The following CPED1 variants were observed in gnomAD, a reference collection of about 807,000 sequenced individuals.
CPED1 encodes cadherin-like and PC-esterase domain-containing protein 1.
CPED1 carries 114 observed loss-of-function variants against 128.2 expected under a neutral mutation model. That is an observed-to-expected ratio of 0.89 (90% CI 0.76 to 1.04). The LOEUF (loss-of-function observed/expected upper bound fraction) is 1.04, where lower values mean the gene tolerates loss of function less well. CPED1 is among the 50% of genes least tolerant of loss of function. CPED1 has a pLI of 0.00. For missense variants in CPED1, 1,211 were observed against 1,207.1 expected (o/e 1.00, Z -0.05); for synonymous variants, 462 against 426.7 (o/e 1.08, Z -1.02).
At chr7:121,204,451 A>T (rs1797472405) in intron 16 of CPED1, among the ~76,000 whole-genome samples, 1 of 152,158 alleles carries the variant, frequency 6.6e-6, no homozygotes, top group Non-Finnish European at 1.5e-5. Context: ...CAAGTCTACC[A>T]GTCCACACAC....
intron 18 of CPED1, among the ~76,000 whole-genome samples, chr7:121,248,324 C>T (rs975971311): frequency 6.6e-6 from 1 of 152,058 alleles, no homozygotes; most frequent in Non-Finnish European, 1.5e-5. Context: ...TCAGGGAGCC[C>T]CACAGCTTGG....
chr7:121,192,756 G>T (rs1797172945), intron 16 of CPED1, among the ~76,000 whole-genome samples: 1 of 152,002 alleles, frequency 6.6e-6, no homozygotes, highest in African/African-American at 2.4e-5. Flanking sequence ...TTCCTCACTT[G>T]AATACAAAAC....
chr7:121,047,646 TTTCTTCTTCTTCTTCTTC>T lies in CPED1; in HGVS notation c.540+707_540+724del, dbSNP rs201842531. Among the ~76,000 whole-genome samples, 205 of 123,074 alleles carry T rather than the reference TTTCTTCTTCTTCTTCTTC, an allele frequency of 1.7e-3. 2 individuals are homozygous for T. Among genetic ancestry groups the T allele is most frequent in the South Asian group, 7.9e-3 (31 of 3,906 alleles). The allele number at this position is 123,074 out of a possible 152,430, so 80.7% of individuals were successfully genotyped here. On this transcript the variant is annotated intron_variant, in intron 4 of 22. Coordinates refer to ENST00000310396, the MANE Select transcript of CPED1 (RefSeq NM_024913.5). The stretch of plus-strand genomic sequence containing the variant: ...TACAATTCGCCATCTAGATAGCACC[TTTCTTCTTCTTCTTCTTC>T]TTCTTCTTCTTCTTCTTCTTCTTCT...
rs770113578 is a variant in CPED1 at position 121,046,950 on chromosome 7, G to A, written c.497G>A (p.Cys166Tyr). The stretch of plus-strand genomic sequence containing the variant: ...TCTAAGAAAGCAGAAGGAACACCCT[G>A]TATATCCAAGGAAGTCATGTGCCAG... ...LSSKKAEGTP[C>Y]ISKEVMCQLG... Residue 166 changes from cysteine to tyrosine, a missense_variant, in exon 4 of 23, where the codon TGT becomes TAT. By Grantham distance (194) the Cys-to-Tyr change is radical. Transcript: ENST00000310396. 1.2e-6 allele frequency: 2 copies of A among 1,612,848 alleles called. No individual in the cohort carries two copies. Among genetic ancestry groups the A allele is most frequent in the African/African-American group, 2.7e-5 (2 of 74,886 alleles).
At chr7:121,258,085 A>G (rs1405966862) in intron 18 of CPED1, among the ~76,000 whole-genome samples, 1 of 152,094 alleles carries the variant, frequency 6.6e-6, no homozygotes, top group Non-Finnish European at 1.5e-5. Context: ...AGATGAAATG[A>G]TTCTTTTAGA....
chr7:121,091,046 C>T (rs1794561149), intron 5 of CPED1, among the ~76,000 whole-genome samples: 2 of 151,962 alleles, frequency 1.3e-5, no homozygotes, highest in South Asian at 2.1e-4. Context: ...GAAATAGTTC[C>T]TGGAGTTTTG....
intron 17 of CPED1, among the ~76,000 whole-genome samples, chr7:121,240,764 T>G (rs201678027): frequency 1.9e-3 from 1 of 526 alleles, no homozygotes; most frequent in African/African-American, 3.8e-3. Context: ...GCCTCTTCTG[T>G]TAAAAAAAAA....
intron 3 of CPED1, among the ~76,000 whole-genome samples, chr7:121,042,308 T>G (rs1382754547): frequency 6.6e-6 from 1 of 152,080 alleles, no homozygotes; most frequent in Non-Finnish European, 1.5e-5. Flanking sequence ...GATACTCAGG[T>G]GAGGGTCTAG....
At chr7:121,266,680 T>C (rs755165073) in intron 19 of CPED1, 27 bp from the exon 20 acceptor site, 6 of 1,544,322 alleles carry the variant, frequency 3.9e-6, no homozygotes, top group South Asian at 1.1e-5. Flanking sequence ...TAGGGCAACA[T>C]GTGTTGTTTT....
chr7:121,015,050 C>T (rs1231617646), intron 2 of CPED1, among the ~76,000 whole-genome samples: 1 of 152,172 alleles, frequency 6.6e-6, no homozygotes, highest in Non-Finnish European at 1.5e-5. Flanking sequence ...GAGCAATAAA[C>T]TATTGAGGGA....
Position 121,296,943 on chromosome 7 carries a change from C to T in CPED1, c.*1291C>T, listed in dbSNP as rs945768766. The T allele has an allele frequency of 6.6e-6, 1 of 152,102 alleles. No homozygotes were observed. The highest frequency in any genetic ancestry group is 6.6e-5 in the Admixed American group (1 of 15,258). 9.4% of individuals were successfully genotyped at this position (152,102 alleles called of 1,614,324 possible). A position where few individuals can be genotyped will look rare whatever the true frequency, so the allele number is the denominator to read the frequency against. On this transcript the variant is annotated 3_prime_UTR_variant, in exon 23 of 23. Coordinates refer to ENST00000310396, the MANE Select transcript of CPED1 (RefSeq NM_024913.5). ...TTCACTACCATACAAGAAAAAAACA[C>T]CTATTTTGATTGATCAGTTCTTTTG... is the stretch of plus-strand genomic sequence containing the variant.
At chr7:121,251,947 G>T (rs1406586263) in intron 18 of CPED1, among the ~76,000 whole-genome samples, 2 of 151,744 alleles carry the variant, frequency 1.3e-5, no homozygotes, top group East Asian at 3.9e-4. Flanking sequence ...TTTCTTCAAA[G>T]AATTGGAAAA....
chr7:121,224,547 T>C (rs1797956534), intron 16 of CPED1, among the ~76,000 whole-genome samples: 1 of 152,126 alleles, frequency 6.6e-6, no homozygotes, highest in Non-Finnish European at 1.5e-5. Context: ...CTGTCTAATA[T>C]TGACAGTGGG....
chr7:121,181,012 T>C lies in CPED1; in HGVS notation c.2055+38871T>C, dbSNP rs1389362192. On this transcript the variant is annotated intron_variant, in intron 16 of 22. Coordinates refer to ENST00000310396, the MANE Select transcript of CPED1 (RefSeq NM_024913.5). Reference sequence around the variant, plus strand: ...GACTTGAGGCTTTTTCACAAAATAATATTTTAAACTATAATTTTTCCATCA... The same window carrying C: ...GACTTGAGGCTTTTTCACAAAATAACATTTTAAACTATAATTTTTCCATCA... 2.6e-5 allele frequency among the ~76,000 whole-genome samples: 4 copies of C among 152,026 alleles called. No individual in the cohort carries two copies. The East Asian group carries it at 5.8e-4, about 22-fold the overall frequency.
intron 7 of CPED1, among the ~76,000 whole-genome samples, chr7:121,114,609 A>T (rs753387031): frequency 6.6e-6 from 1 of 152,182 alleles, no homozygotes; most frequent in Non-Finnish European, 1.5e-5. Flanking sequence ...CTGCCCTGGG[A>T]TTTCTTTGCA....
chr7:121,005,075 A>G (rs1791973322), intron 2 of CPED1, among the ~76,000 whole-genome samples: 1 of 152,168 alleles, frequency 6.6e-6, no homozygotes, highest in African/African-American at 2.4e-5. Flanking sequence ...ACCTTTTTGT[A>G]TCCTACATGT....
intron 16 of CPED1, among the ~76,000 whole-genome samples, chr7:121,170,279 T>C (rs141985724): frequency 6.6e-6 from 1 of 152,302 alleles, no homozygotes; most frequent in Non-Finnish European, 1.5e-5. Flanking sequence ...TTGTGACCTT[T>C]TTCCTGTGGC....
intron 16 of CPED1, among the ~76,000 whole-genome samples, chr7:121,164,185 C>T (rs934132541): frequency 6.6e-6 from 1 of 152,212 alleles, no homozygotes; most frequent in Non-Finnish European, 1.5e-5. Flanking sequence ...CTGCTGGATA[C>T]TTGGCCCAGG....
intron 3 of CPED1, among the ~76,000 whole-genome samples, chr7:121,031,181 C>G (rs944934662): frequency 6.6e-6 from 1 of 152,126 alleles, no homozygotes; most frequent in Non-Finnish European, 1.5e-5. Flanking sequence ...GTTTTTTCAA[C>G]TTGTTGCTAT....
Sources: gnomAD v4.1 joint callset for allele counts (sites outside exome capture counted in the v4.1 genomes callset) on GRCh38, gnomAD v4.1.1 for gene constraint, MANE v1.5 for transcripts, NCBI Gene and HGNC (gene_info 2026-07-23, HGNC 2026-07-21) for gene names.